PRKN: variants seen among roughly 807,000 people sequenced by gnomAD.
PRKN encodes the protein parkin RBR E3 ubiquitin protein ligase, also known as E3 ubiquitin-protein ligase parkin.
A neutral mutation model predicts 59.5 loss-of-function variants in PRKN; 56 were observed. The observed-to-expected ratio is 0.94, with a 90% CI of 0.76 to 1.18. The LOEUF (loss-of-function observed/expected upper bound fraction) is 1.18, where lower values mean the gene tolerates loss of function less well. Ranked by LOEUF, PRKN falls within the 50% of genes most tolerant of loss-of-function variation. The pLI is 0.00. For synonymous variants in PRKN, 250 were observed against 222.1 expected (o/e 1.13, Z -1.12); for missense variants, 657 against 596.4 (o/e 1.10, Z -1.06).
chr6:162,158,777 C>T (rs963638230), intron 4 of PRKN, among the ~76,000 whole-genome samples: 3 of 151,894 alleles, frequency 2.0e-5, no homozygotes, highest in Admixed American at 6.6e-5. Flanking sequence ...TTCCTCCTCC[C>T]GCCTTCATCC....
intron 4 of PRKN, among the ~76,000 whole-genome samples, chr6:162,185,587 G>A (rs1284487912): frequency 6.6e-6 from 1 of 152,120 alleles, no homozygotes; most frequent in African/African-American, 2.4e-5. Flanking sequence ...GGAAAAACTA[G>A]TGAGTAACAG....
intron 7 of PRKN, among the ~76,000 whole-genome samples, chr6:161,652,982 C>T (rs908325434): frequency 1.3e-5 from 2 of 152,224 alleles, no homozygotes; most frequent in African/African-American, 4.8e-5. Flanking sequence ...ATAAATCCTT[C>T]ACTATCCCGT....
chr6:161,654,538 C>A (rs1045713506), intron 7 of PRKN, among the ~76,000 whole-genome samples: 1 of 152,172 alleles, frequency 6.6e-6, no homozygotes, highest in African/African-American at 2.4e-5. Flanking sequence ...TTCTTGGTCT[C>A]CTTTCTGGTC....
chr6:161,406,561 G>C (rs1787286486), intron 9 of PRKN, among the ~76,000 whole-genome samples: 1 of 152,060 alleles, frequency 6.6e-6, no homozygotes, highest in South Asian at 2.1e-4. Flanking sequence ...AGGATTTTGA[G>C]TGCAATGCTC....
chr6:161,738,683 G>A (rs989666845), intron 7 of PRKN, among the ~76,000 whole-genome samples: 5 of 152,116 alleles, frequency 3.3e-5, no homozygotes, highest in Admixed American at 6.5e-5. Flanking sequence ...GCTGCTCCCC[G>A]AAACCCTGGG....
chr6:162,489,077 C>CCCTT (rs58260588), intron 1 of PRKN, among the ~76,000 whole-genome samples: 34,618 of 150,670 alleles, frequency 0.23, 4,968 homozygotes, highest in African/African-American at 0.4. Context: ...AAGGAGCTCA[C>CCCTT]CCTTCCTTCC....
At chr6:161,819,050 T>G (rs924611234) in intron 6 of PRKN, among the ~76,000 whole-genome samples, 1 of 152,172 alleles carries the variant, frequency 6.6e-6, no homozygotes, top group African/African-American at 2.4e-5. Context: ...AAAATGTACA[T>G]TGCATTCAAA....
chr6:161,860,401 G>C (rs976736759), intron 6 of PRKN, among the ~76,000 whole-genome samples: 1 of 152,130 alleles, frequency 6.6e-6, no homozygotes, highest in Non-Finnish European at 1.5e-5. Context: ...TGGTGATAAA[G>C]GACTTGAAAA....
intron 6 of PRKN, among the ~76,000 whole-genome samples, chr6:161,879,952 G>A (rs1041807331): frequency 6.6e-6 from 1 of 152,090 alleles, no homozygotes; most frequent in Admixed American, 6.6e-5. Flanking sequence ...CACATTAGAA[G>A]TAGATGAAAA....
intron 7 of PRKN, among the ~76,000 whole-genome samples, chr6:161,694,448 A>C (rs1466253066): frequency 6.6e-6 from 1 of 152,156 alleles, no homozygotes; most frequent in East Asian, 1.9e-4. Flanking sequence ...TTAGGCACAC[A>C]GTGTGCAATT....
chr6:161,873,155 A>C (rs1475214690), intron 6 of PRKN, among the ~76,000 whole-genome samples: 2 of 151,740 alleles, frequency 1.3e-5, no homozygotes, highest in Admixed American at 6.6e-5. Flanking sequence ...ACCTCCACTC[A>C]CACCCCAGTT....
At chr6:162,526,403 G>GCAC (rs1778287206) in intron 1 of PRKN, among the ~76,000 whole-genome samples, 1 of 151,470 alleles carries the variant, frequency 6.6e-6, no homozygotes, top group South Asian at 2.1e-4. Flanking sequence ...TGTAATCCCA[G>GCAC]CACTTTGGGA....
At chr6:162,389,186 G>C (rs754140531) in intron 2 of PRKN, among the ~76,000 whole-genome samples, 1 of 152,026 alleles carries the variant, frequency 6.6e-6, no homozygotes, top group East Asian at 1.9e-4. Context: ...AGTGAGGGTG[G>C]TGTGCGCAGG....
At chr6:162,467,924 G>A (rs950377849) in intron 1 of PRKN, among the ~76,000 whole-genome samples, 1 of 152,028 alleles carries the variant, frequency 6.6e-6, no homozygotes, top group Non-Finnish European at 1.5e-5. Flanking sequence ...GAGCACTCTT[G>A]CCTCCTATCT....
intron 2 of PRKN, among the ~76,000 whole-genome samples, chr6:162,316,099 G>A (rs1782742512): frequency 6.6e-6 from 1 of 151,986 alleles, no homozygotes; most frequent in African/African-American, 2.4e-5. Flanking sequence ...GTATTCCAAG[G>A]CTGGACAGTT....
chr6:162,009,044 G>A (rs997063180), intron 5 of PRKN, among the ~76,000 whole-genome samples: 18 of 151,722 alleles, frequency 1.2e-4, no homozygotes, highest in Non-Finnish European at 1.8e-4. Flanking sequence ...CACGAGGTCA[G>A]GAGTTCAAGA....
intron 5 of PRKN, among the ~76,000 whole-genome samples, chr6:162,043,018 T>C (rs1157792889): frequency 6.6e-6 from 1 of 152,172 alleles, no homozygotes; most frequent in Non-Finnish European, 1.5e-5. Flanking sequence ...TCCACATGAC[T>C]GGGGAGGCCT....
chr6:161,838,271 T>C lies in PRKN; in HGVS notation c.735-52363A>G, dbSNP rs568162334. 2.2e-3 allele frequency among the ~76,000 whole-genome samples: 328 copies of C among 152,348 alleles called. 1 individual carries two copies. The highest frequency in any genetic ancestry group is 0.017 in the Middle Eastern group (5 of 294). On this transcript the variant is annotated intron_variant, in intron 6 of 11. Coordinates refer to ENST00000366898, the MANE Select transcript of PRKN (RefSeq NM_004562.3). ...TCATGACCCAAATTTTTAAACCTTA[T>C]TTTAGATTCTTCTAAGACCAGGGCA...
At chr6:162,419,537 G>T (rs558311927) in intron 2 of PRKN, among the ~76,000 whole-genome samples, 1 of 109,256 alleles carries the variant, frequency 9.2e-6, no homozygotes, top group East Asian at 3.8e-4. Flanking sequence ...GCCAGCAGGT[G>T]CAGGGTCAAC....
Sources: gnomAD v4.1 joint callset for allele counts (sites outside exome capture counted in the v4.1 genomes callset) on GRCh38, gnomAD v4.1.1 for gene constraint, MANE v1.5 for transcripts, NCBI Gene and HGNC (gene_info 2026-07-23, HGNC 2026-07-21) for gene names.